ZSWIM6: variants seen among roughly 807,000 people sequenced by gnomAD.
ZSWIM6 encodes the protein zinc finger SWIM-type containing 6.
In ZSWIM6, 9 loss-of-function variants were observed where a neutral mutation model predicts 113.2. That is an observed-to-expected ratio of 0.08 (90% confidence interval 0.05 to 0.14). ZSWIM6 has a LOEUF of 0.14. ZSWIM6 is among the 10% of genes least tolerant of loss of function. The pLI is 1.00. For synonymous variants in ZSWIM6, 611 were observed against 606.5 expected (o/e 1.01, Z -0.11); for missense variants, 1,162 against 1,552.2 (o/e 0.75, Z 4.22).
intron 1 of ZSWIM6, among the ~76,000 whole-genome samples, chr5:61,462,886 A>C (rs1428123551): frequency 6.6e-6 from 1 of 152,238 alleles, no homozygotes; most frequent in African/African-American, 2.4e-5. Flanking sequence ...TGTTTTAAAA[A>C]GTGCTAATTC....
At chr5:61,447,556 A>G (rs947394220) in intron 1 of ZSWIM6, among the ~76,000 whole-genome samples, 3 of 152,110 alleles carry the variant, frequency 2.0e-5, no homozygotes, top group East Asian at 3.9e-4. Flanking sequence ...GTTTTTTTCT[A>G]GGCAGTCAGG....
At chr5:61,435,819 T>C (rs1415828204) in intron 1 of ZSWIM6, among the ~76,000 whole-genome samples, 1 of 152,200 alleles carries the variant, frequency 6.6e-6, no homozygotes, top group Non-Finnish European at 1.5e-5. Context: ...AAATCTGATT[T>C]AAGGTGGGAT....
chr5:61,399,837 A>G (rs895094427), intron 1 of ZSWIM6, among the ~76,000 whole-genome samples: 2 of 152,188 alleles, frequency 1.3e-5, no homozygotes, highest in African/African-American at 4.8e-5. Context: ...AACAGAGTAA[A>G]GAGCACAAAT....
chr5:61,520,173 C>A (rs1237702569), intron 4 of ZSWIM6, among the ~76,000 whole-genome samples: 1 of 152,158 alleles, frequency 6.6e-6, no homozygotes, highest in African/African-American at 2.4e-5. Context: ...TACGCCCTAT[C>A]TTTTGGATAA....
intron 1 of ZSWIM6, among the ~76,000 whole-genome samples, chr5:61,393,290 C>A (rs1745768956): frequency 6.6e-6 from 1 of 152,024 alleles, no homozygotes; most frequent in South Asian, 2.1e-4. Context: ...TCATGATCCA[C>A]CCGCCTCAGC....
chr5:61,431,752 A>T (rs979104937), intron 1 of ZSWIM6, among the ~76,000 whole-genome samples: 2 of 152,208 alleles, frequency 1.3e-5, no homozygotes, highest in African/African-American at 4.8e-5. Flanking sequence ...CTCAAAAAAA[A>T]CAAAACAAAA....
intron 4 of ZSWIM6, among the ~76,000 whole-genome samples, chr5:61,496,350 T>C (rs1748314346): frequency 6.6e-6 from 1 of 152,150 alleles, no homozygotes; most frequent in Admixed American, 6.6e-5. Flanking sequence ...CTAAGTTCTG[T>C]GAAGAATCTC....
At chr5:61,443,564 C>T (rs942141078) in intron 1 of ZSWIM6, among the ~76,000 whole-genome samples, 2 of 152,116 alleles carry the variant, frequency 1.3e-5, no homozygotes, top group African/African-American at 4.8e-5. Flanking sequence ...TGAAATCTTG[C>T]CTTTGGAAAA....
intron 4 of ZSWIM6, among the ~76,000 whole-genome samples, chr5:61,502,389 G>A (rs895528233): frequency 1.5e-4 from 23 of 152,148 alleles, no homozygotes; most frequent in Non-Finnish European, 1.0e-4. Context: ...CCTTAGAGGG[G>A]GGTGTTCAGA....
chr5:61,431,837 G>C (rs1746590221), intron 1 of ZSWIM6, among the ~76,000 whole-genome samples: 1 of 152,194 alleles, frequency 6.6e-6, no homozygotes, highest in Non-Finnish European at 1.5e-5. Context: ...TTAAGGCATA[G>C]CTTGTGTTGA....
At chr5:61,408,676 C>T (rs879501837) in intron 1 of ZSWIM6, among the ~76,000 whole-genome samples, 6 of 152,214 alleles carry the variant, frequency 3.9e-5, no homozygotes, top group Non-Finnish European at 7.3e-5. Context: ...GGGTTAAGGG[C>T]ATTATGCAAG....
intron 1 of ZSWIM6, among the ~76,000 whole-genome samples, chr5:61,415,115 G>T (rs1019569439): frequency 5.3e-5 from 8 of 152,210 alleles, no homozygotes; most frequent in African/African-American, 1.9e-4. Flanking sequence ...CCCTATGGCT[G>T]CAACACAGAG....
intron 4 of ZSWIM6, among the ~76,000 whole-genome samples, chr5:61,506,413 T>C (rs1321853402): frequency 6.6e-6 from 1 of 151,914 alleles, no homozygotes; most frequent in African/African-American, 2.4e-5. Flanking sequence ...TGAAACCCTA[T>C]ATCTACTGAA....
At chr5:61,332,998 G>A in intron 1 of ZSWIM6, 50 bp downstream of exon 1, 1 of 1,138,020 alleles carries the variant, frequency 8.8e-7, no homozygotes, top group Non-Finnish European at 1.1e-6. Flanking sequence ...CAGTCCCTGG[G>A]TGGGGGGGGG....
rs747444881 is a variant in ZSWIM6 at position 61,543,892 on chromosome 5, G to A, written c.3223G>A (p.Ala1075Thr). The change falls in exon 14 of 14, where the codon GCC becomes ACC. Residue 1075 changes from alanine (A) to threonine (T), a missense_variant. By Grantham distance (58) the Ala-to-Thr change is moderately conservative. Around this residue, in one of 4 missense-constraint regions of ZSWIM6, gnomAD observed 113 missense variants for 213.8 expected, o/e 0.53. Transcript: ENST00000252744. The surrounding 1 kb of genome is among the most constrained non-coding windows in gnomAD (Gnocchi z 4.3). ...CCCTGCCATTAATGATGTTTTGTGGGCCTGTGCGCTTAGCCACTCCCTTGG... is the reference window on the plus strand; with the variant it reads ...CCCTGCCATTAATGATGTTTTGTGGACCTGTGCGCTTAGCCACTCCCTTGG... ...THPAINDVLW[A>T]CALSHSLGKN... 5.9e-5 allele frequency: 91 copies of A among 1,551,906 alleles called. No homozygotes were observed. The highest frequency in any genetic ancestry group is 3.1e-4 in the Admixed American group (16 of 51,016).
chr5:61,530,323 G>T lies in ZSWIM6; in HGVS notation c.1984+125G>T, dbSNP rs902232328. On this transcript the variant is annotated intron_variant, in intron 8 of 13. Transcript: ENST00000252744. ...AGTTAACAGCACCTTTGGTTAGCAA[G>T]AGAGCAAGAAAATGGGCACTGTCAT... 1.7e-5 allele frequency: 17 copies of T among 1,012,420 alleles called. No homozygotes were observed. The Admixed American group carries it at 3.0e-4, about 18-fold the overall frequency. The allele number at this position is 1,012,420 out of a possible 1,614,324, so 62.7% of individuals were successfully genotyped here.
chr5:61,540,076 G>T (rs140269160), intron 12 of ZSWIM6, among the ~76,000 whole-genome samples: 2 of 152,282 alleles, frequency 1.3e-5, no homozygotes, highest in East Asian at 3.9e-4. Flanking sequence ...TTGCTAATAA[G>T]AGACTTAAAT....
chr5:61,434,147 C>CAT (rs982790273), intron 1 of ZSWIM6, among the ~76,000 whole-genome samples: 1 of 143,462 alleles, frequency 7.0e-6, no homozygotes, highest in African/African-American at 2.6e-5. Context: ...CTATATATAA[C>CAT]ATATATATAA....
intron 1 of ZSWIM6, among the ~76,000 whole-genome samples, chr5:61,467,462 C>T (rs900987177): frequency 3.9e-5 from 6 of 152,014 alleles, no homozygotes; most frequent in African/African-American, 1.4e-4. Context: ...ACATTGCGTA[C>T]TAATGTGATA....
Sources: allele counts gnomAD v4.1 joint callset (sites outside exome capture counted in the v4.1 genomes callset), GRCh38; gene constraint gnomAD v4.1.1; regional missense constraint gnomAD v4.1.1; non-coding constraint Gnocchi (gnomAD v3.1); transcripts MANE v1.5; gene names NCBI Gene and HGNC (gene_info 2026-07-23, HGNC 2026-07-21).